Variants in SYNE2 observed in about 807,000 individuals in gnomAD.
SYNE2 encodes the protein nesprin-2.
In SYNE2, 431 loss-of-function variants were observed where a neutral mutation model predicts 856.3. The observed-to-expected ratio is 0.50, with a 90% CI of 0.47 to 0.55. The LOEUF (loss-of-function observed/expected upper bound fraction) is 0.55, where lower values mean the gene tolerates loss of function less well. SYNE2 is among the 20% of genes least tolerant of loss of function. The pLI is 0.00. For missense variants in SYNE2, 8,129 were observed against 8,023.2 expected, an observed-to-expected ratio of 1.01 and a Z score of -0.50; for synonymous variants, 2,923 against 2,872.3, an observed-to-expected ratio of 1.02 and a Z score of -0.56.
chr14:64,019,091 T>G (rs1006619928), intron 34 of SYNE2, among the ~76,000 whole-genome samples: 1 of 152,126 alleles, frequency 6.6e-6, no homozygotes, highest in Non-Finnish European at 1.5e-5. Context: ...GCCAACATGG[T>G]GAAGCCCTGT....
intron 96 of SYNE2, among the ~76,000 whole-genome samples, chr14:64,183,150 C>T (rs2098468896): frequency 6.6e-6 from 1 of 151,284 alleles, no homozygotes; most frequent in South Asian, 2.1e-4. Flanking sequence ...GGGCTCCTCA[C>T]TTCTCGGACG....
intron 1 of SYNE2, among the ~76,000 whole-genome samples, chr14:63,905,356 G>C (rs2095395063): frequency 6.6e-6 from 1 of 151,882 alleles, no homozygotes; most frequent in African/African-American, 2.4e-5. Flanking sequence ...AATGTTCATA[G>C]TTTGATAGCA....
intron 1 of SYNE2, among the ~76,000 whole-genome samples, chr14:63,903,626 C>A (rs1233210407): frequency 6.6e-6 from 1 of 152,136 alleles, no homozygotes; most frequent in Non-Finnish European, 1.5e-5. Context: ...TGGTCTTTTC[C>A]TACATCTTTA....
chr14:63,846,585 T>C (rs1380769838), intron 1 of SYNE2, among the ~76,000 whole-genome samples: 1 of 146,166 alleles, frequency 6.8e-6, no homozygotes, highest in African/African-American at 2.5e-5. Flanking sequence ...TTTTTTTTTC[T>C]GTTTTTTGTT....
chr14:64,224,977 CTG>C lies in SYNE2; in HGVS notation c.20470-21_20470-20del. On this transcript the variant is annotated intron_variant, in intron 114 of 115. Transcript: ENST00000555002. ...GACTAAACTGTCTTCAACTTACTAA[CTG>C]GAGTTTCTTTACCCAGCAGTTCAGA... 1 of 1,610,828 alleles carries C rather than the reference CTG, an allele frequency of 6.2e-7. No homozygotes were observed. The highest frequency in any genetic ancestry group is 8.5e-7 in the Non-Finnish European group (1 of 1,178,016).
intron 65 of SYNE2, among the ~76,000 whole-genome samples, chr14:64,108,661 T>C (rs2097786468): frequency 6.6e-6 from 1 of 152,170 alleles, no homozygotes; most frequent in Non-Finnish European, 1.5e-5. Flanking sequence ...TATGTTTTTT[T>C]CTCCCAATCT....
chr14:63,847,802 T>G (rs925691570), intron 1 of SYNE2, among the ~76,000 whole-genome samples: 1 of 152,068 alleles, frequency 6.6e-6, no homozygotes, highest in African/African-American at 2.4e-5. Flanking sequence ...GCCAGGCTGG[T>G]CTTGAACTCG....
intron 18 of SYNE2, 62 bp downstream of exon 18, chr14:63,983,948 A>G: frequency 1.6e-6 from 2 of 1,281,722 alleles, no homozygotes; most frequent in East Asian, 5.1e-5. Flanking sequence ...TTTGCTATTA[A>G]AAAAAAGATA....
intron 1 of SYNE2, among the ~76,000 whole-genome samples, chr14:63,886,702 C>G (rs1248542124): frequency 6.6e-6 from 1 of 152,116 alleles, no homozygotes; most frequent in African/African-American, 2.4e-5. Context: ...CACTGTTGCC[C>G]AGGCTGGAGT....
intron 11 of SYNE2, 76 bp downstream of exon 11, chr14:63,967,922 G>GGA (rs746083968): frequency 2.0e-4 from 298 of 1,483,220 alleles, no homozygotes; most frequent in Middle Eastern, 6.9e-4. Flanking sequence ...CAGCACTTTG[G>GGA]GAGACCAAGG....
chr14:63,829,447 A>T (rs572601067), intron 1 of SYNE2, among the ~76,000 whole-genome samples: 3 of 152,048 alleles, frequency 2.0e-5, no homozygotes, highest in South Asian at 2.1e-4. Context: ...AAACAAAAAA[A>T]GTCTAGCGTT....
At chr14:63,940,424 AT>A (rs2095895656) in intron 2 of SYNE2, among the ~76,000 whole-genome samples, 189 bp from the exon 3 acceptor site, 1 of 151,788 alleles carries the variant, frequency 6.6e-6, no homozygotes, top group African/African-American at 2.4e-5. Context: ...TTTTAAAAAA[AT>A]ATCGTATCAA....
chr14:64,163,496 A>G lies in SYNE2; in HGVS notation c.16394A>G (p.His5465Arg). 1.2e-6 allele frequency: 2 copies of G among 1,614,148 alleles called. No individual in the cohort carries two copies. The highest frequency in any genetic ancestry group is 1.7e-6 in the Non-Finnish European group (2 of 1,180,020). ...CCACAACCCGCAGAGTCCAGCACCC[A>G]CATGCTCCTCCCGGGCCCCCTGCAC... is the stretch of plus-strand genomic sequence containing the variant. ...RLPQPAESST[H>R]MLLPGPLHSL... is the part of the protein sequence containing the mutation. The change falls in exon 89 of 116, where the codon CAC becomes CGC. Residue 5465 changes from histidine (H) to arginine (R), a missense_variant. By Grantham distance (29) the His-to-Arg change is conservative (BLOSUM62 0). This residue lies in a region of SYNE2 where 5,410 missense variants were observed against 5,284.8 expected (regional missense o/e 1.02). Transcript: ENST00000555002.
chr14:63,981,144 G>A lies in SYNE2; in HGVS notation c.1807G>A (p.Glu603Lys). 1 of 1,613,722 alleles carries A rather than the reference G, an allele frequency of 6.2e-7. No homozygotes were observed. Among genetic ancestry groups the A allele is most frequent in the East Asian group, 2.2e-5 (1 of 44,818 alleles). ...CCTTCGCTTACTAAGGGCTTGCTTT[G>A]AGGAGACAAAGAAGGAAGAAATTAA... ...ENLRLLRACFEETKKEEIKEV... is the reference protein window; with the variant it reads ...ENLRLLRACFKETKKEEIKEV... Residue 603 changes from glutamate (E) to lysine (K), a missense_variant, in exon 16 of 116, where the codon GAG becomes AAG. Around this residue, in one of 3 missense-constraint regions of SYNE2, gnomAD observed 2,422 missense variants for 2,357.4 expected, o/e 1.03. Transcript: ENST00000555002.
chr14:63,897,702 G>T (rs1343804770), intron 1 of SYNE2, among the ~76,000 whole-genome samples: 1 of 152,156 alleles, frequency 6.6e-6, no homozygotes, highest in Non-Finnish European at 1.5e-5. Flanking sequence ...CACAATCCTT[G>T]TATGCTTCTT....
chr14:63,781,666 C>CTATA (rs768212329), intron 1 of SYNE2, among the ~76,000 whole-genome samples: 1,557 of 106,330 alleles, frequency 0.015, 35 homozygotes, highest in Admixed American at 0.069. Flanking sequence ...CCTTCTCTCT[C>CTATA]TCTATATATA....
At chr14:63,843,240 A>T (rs34326674) in intron 1 of SYNE2, among the ~76,000 whole-genome samples, 7,185 of 151,792 alleles carry the variant, frequency 0.047, 216 homozygotes, top group Middle Eastern at 0.095. Flanking sequence ...TTTTGTAGAG[A>T]GGGGGTTTTG....
chr14:63,761,894 C>A, upstream of SYNE2: 1 of 217,110 alleles, frequency 4.6e-6, no homozygotes, highest in South Asian at 5.9e-5. Context: ...GCGGCGGCGG[C>A]AGCTGCAGGA....
At chr14:64,125,336 A>G in intron 71 of SYNE2, 126 bp downstream of exon 71, 1 of 1,361,706 alleles carries the variant, frequency 7.3e-7, no homozygotes, top group Non-Finnish European at 1.0e-6. Context: ...AATGGGTCCT[A>G]GGATTGCAAA....
Sources: allele counts gnomAD v4.1 joint callset (sites outside exome capture counted in the v4.1 genomes callset), GRCh38; gene constraint gnomAD v4.1.1; regional missense constraint gnomAD v4.1.1; transcripts MANE v1.5; gene names NCBI Gene and HGNC (gene_info 2026-07-23, HGNC 2026-07-21).